The following WWOX variants were observed in gnomAD, a reference collection of about 807,000 sequenced individuals.
WWOX encodes WW domain containing oxidoreductase, also known as WW domain-containing oxidoreductase.
A neutral mutation model predicts 46.2 loss-of-function variants in WWOX; 69 were observed. The observed-to-expected ratio is 1.49, with a 90% CI of 1.23 to 1.82. WWOX has a LOEUF of 1.82. Among genes scored for constraint, WWOX ranks in the 40% most tolerant of loss-of-function variants. WWOX has a pLI of 0.00. For missense variants in WWOX, 919 were observed against 542.6 expected (o/e 1.69, Z -6.89); for synonymous variants, 359 against 202.6 (o/e 1.77, Z -6.56).
chr16:78,264,623 G>C (rs1374497268), intron 5 of WWOX: 1 of 152,270 alleles, frequency 6.6e-6, no homozygotes, highest in East Asian at 1.9e-4. Context: ...AGCAAGAGTT[G>C]ATCGATGACA....
At chr16:78,255,180 C>A (rs1413500328) in intron 5 of WWOX, among the ~76,000 whole-genome samples, 1 of 152,202 alleles carries the variant, frequency 6.6e-6, no homozygotes, top group East Asian at 1.9e-4. Flanking sequence ...AAGGGTATAA[C>A]TGTCTTGGCA....
intron 5 of WWOX, among the ~76,000 whole-genome samples, chr16:78,176,895 T>C (rs979000411): frequency 1.3e-5 from 2 of 152,180 alleles, no homozygotes; most frequent in African/African-American, 2.4e-5. Context: ...TGGTGTTTCA[T>C]TGATTAAACT....
chr16:78,494,713 A>G (rs2084867506), intron 8 of WWOX, among the ~76,000 whole-genome samples: 1 of 152,156 alleles, frequency 6.6e-6, no homozygotes, highest in Admixed American at 6.5e-5. Flanking sequence ...AATAAATTTA[A>G]GGCTTGGTCA....
intron 8 of WWOX, among the ~76,000 whole-genome samples, chr16:78,680,084 C>T (rs914205517): frequency 6.6e-6 from 1 of 152,234 alleles, no homozygotes; most frequent in Non-Finnish European, 1.5e-5. Flanking sequence ...TTAGCTTCAG[C>T]CCTCACAGGC....
intron 5 of WWOX, among the ~76,000 whole-genome samples, chr16:78,370,587 T>A (rs12932437): frequency 0.028 from 4,321 of 152,196 alleles, 90 homozygotes; most frequent in Non-Finnish European, 0.038. Context: ...GATATAATTA[T>A]GGATTCTGTC....
intron 8 of WWOX, among the ~76,000 whole-genome samples, chr16:78,608,901 G>C (rs945949444): frequency 6.6e-6 from 1 of 152,122 alleles, no homozygotes; most frequent in Admixed American, 6.5e-5. Context: ...GTCTGACCTC[G>C]GAAACTTCCT....
chr16:78,664,981 G>C (rs2047297844), intron 8 of WWOX, among the ~76,000 whole-genome samples: 2 of 152,206 alleles, frequency 1.3e-5, no homozygotes, highest in African/African-American at 4.8e-5. Context: ...GGGAAGGTTT[G>C]CTTAATGAAA....
chr16:78,237,447 G>T (rs906633060), intron 5 of WWOX: 3 of 152,172 alleles, frequency 2.0e-5, no homozygotes, highest in African/African-American at 7.2e-5. Flanking sequence ...AACATCAAAG[G>T]CAAGTAGTGT....
At chr16:78,901,076 A>C (rs2044820367) in intron 8 of WWOX, among the ~76,000 whole-genome samples, 8 of 152,198 alleles carry the variant, frequency 5.3e-5, no homozygotes, top group Admixed American at 5.2e-4. Context: ...GAGTTTGCAC[A>C]CATCTAGAAG....
At chr16:79,137,401 T>G (rs933485900) in intron 8 of WWOX, among the ~76,000 whole-genome samples, 55 of 152,330 alleles carry the variant, frequency 3.6e-4, no homozygotes, top group African/African-American at 1.3e-3. Context: ...TTATCACAGC[T>G]GATAACTTGG....
chr16:78,600,180 C>G (rs904960062), intron 8 of WWOX, among the ~76,000 whole-genome samples: 1 of 152,096 alleles, frequency 6.6e-6, no homozygotes, highest in African/African-American at 2.4e-5. Context: ...GAAAGACTTG[C>G]CCTCATGATT....
At chr16:79,093,774 C>G (rs1056638543) in intron 8 of WWOX, among the ~76,000 whole-genome samples, 2 of 152,208 alleles carry the variant, frequency 1.3e-5, no homozygotes, top group Non-Finnish European at 2.9e-5. Flanking sequence ...ATCATTGATA[C>G]TTTTCTCTCT....
intron 8 of WWOX, among the ~76,000 whole-genome samples, chr16:79,054,841 A>G (rs151048880): frequency 5.4e-4 from 83 of 152,342 alleles, no homozygotes; most frequent in African/African-American, 2.0e-3. Context: ...CAAACAAAGA[A>G]AAATCATAAA....
At chr16:78,905,818 A>C (rs2044948566) in intron 8 of WWOX, among the ~76,000 whole-genome samples, 1 of 152,076 alleles carries the variant, frequency 6.6e-6, no homozygotes, top group Admixed American at 6.5e-5. Flanking sequence ...GCTAAGGGGG[A>C]ATCTGGATTT....
intron 5 of WWOX, chr16:78,355,612 TTG>T: frequency 5.3e-6 from 3 of 563,614 alleles, no homozygotes; most frequent in South Asian, 4.4e-5. Flanking sequence ...AGGAGCGAAT[TTG>T]TGTGAAAATG....
intron 8 of WWOX, among the ~76,000 whole-genome samples, chr16:79,038,531 A>C (rs1293463941): frequency 1.3e-5 from 2 of 152,180 alleles, no homozygotes; most frequent in Admixed American, 1.3e-4. Context: ...ATATTATCAG[A>C]GTTTTCTGAC....
intron 8 of WWOX, among the ~76,000 whole-genome samples, chr16:79,173,305 G>GCCATGTC (rs1477941994): frequency 6.6e-6 from 1 of 152,108 alleles, no homozygotes; most frequent in East Asian, 1.9e-4. Context: ...TGTGCCATGT[G>GCCATGTC]CCATCTTAGA....
intron 8 of WWOX, among the ~76,000 whole-genome samples, chr16:78,659,767 G>A (rs1401902416): frequency 1.3e-5 from 2 of 152,134 alleles, no homozygotes; most frequent in Non-Finnish European, 2.9e-5. Context: ...GATAGAAAGT[G>A]TCATGTCAAA....
At chr16:78,726,071 T>TTCCCTCCCTCCCTCTTCCTGCCTCCC (rs2048824878) in intron 8 of WWOX, among the ~76,000 whole-genome samples, 1 of 96,560 alleles carries the variant, frequency 1.0e-5, no homozygotes, top group African/African-American at 3.7e-5. Flanking sequence ...CCTGCTTCCC[T>TTCCCTCCCTCCCTCTTCCTGCCTCCC]TCCCTCCCTC....
Sources: allele counts gnomAD v4.1 joint callset (sites outside exome capture counted in the v4.1 genomes callset), GRCh38; gene constraint gnomAD v4.1.1; transcripts MANE v1.5; gene names NCBI Gene and HGNC (gene_info 2026-07-23, HGNC 2026-07-21).